The following DPYSL3 variants were observed in gnomAD, a reference collection of about 807,000 sequenced individuals.
DPYSL3 encodes dihydropyrimidinase like 3, also known as dihydropyrimidinase-related protein 3.
A neutral mutation model predicts 66.1 loss-of-function variants in DPYSL3; 16 were observed. That is an observed-to-expected ratio of 0.24 (90% confidence interval 0.16 to 0.37). DPYSL3 has a LOEUF of 0.37. Ranked by LOEUF, DPYSL3 falls within the 10% of genes least tolerant of loss-of-function variation. DPYSL3 has a pLI of 1.00. For missense variants in DPYSL3, 738 were observed against 916.2 expected (o/e 0.81, Z 2.51); for synonymous variants, 338 against 345.1 (o/e 0.98, Z 0.23).
rs534382254 is a variant in DPYSL3, at chr5:147,428,330, A to G, written c.382-3367T>C. 2.0e-5 allele frequency among the ~76,000 whole-genome samples: 3 copies of G among 152,194 alleles called. No individual in the cohort carries two copies. In the South Asian group the frequency reaches 6.2e-4, roughly 32 times the overall value. ...ACCTGAACTTAAAGAGCTCAAATAA[A>G]TGCTTCCTCTATGGGTCTTCAGCTT... On this transcript the variant is annotated intron_variant, in intron 1 of 13. Coordinates refer to ENST00000343218, the MANE Select transcript of DPYSL3 (RefSeq NM_001197294.2).
intron 1 of DPYSL3, chr5:147,453,601 G>A: frequency 6.5e-7 from 1 of 1,532,424 alleles, no homozygotes; most frequent in South Asian, 1.2e-5. Context: ...GGCGGTGGTG[G>A]CTGCAGCGGC....
intron 3 of DPYSL3, among the ~76,000 whole-genome samples, chr5:147,417,178 C>T (rs1029850046): frequency 6.6e-6 from 1 of 152,262 alleles, no homozygotes; most frequent in East Asian, 1.9e-4. Context: ...ATGCAGATGG[C>T]CAAGCATAAT....
chr5:147,476,977 A>G (rs1410172304), intron 1 of DPYSL3, among the ~76,000 whole-genome samples: 1 of 152,216 alleles, frequency 6.6e-6, no homozygotes, highest in African/African-American at 2.4e-5. Context: ...GTTCACAATT[A>G]AAAATTACCA....
intron 1 of DPYSL3, among the ~76,000 whole-genome samples, chr5:147,469,171 T>C (rs1344250688): frequency 1.3e-5 from 2 of 152,196 alleles, no homozygotes; most frequent in Admixed American, 6.5e-5. Flanking sequence ...TGTCAGTAAT[T>C]TTCCCCTTCT....
At chr5:147,508,352 C>G (rs1325109618) in intron 1 of DPYSL3, among the ~76,000 whole-genome samples, 1 of 152,184 alleles carries the variant, frequency 6.6e-6, no homozygotes. Flanking sequence ...GGAAAAACAA[C>G]TAAAACCTGA....
intron 4 of DPYSL3, 34 bp from the exon 5 acceptor site, chr5:147,413,691 A>AAG: frequency 6.4e-7 from 1 of 1,553,914 alleles, no homozygotes; most frequent in Non-Finnish European, 8.9e-7. Context: ...AAACAAGAGA[A>AAG]AGACAACATT....
In DPYSL3 at chr5:147,509,973, C is replaced by T; in HGVS notation, c.-115G>A. 1 of 1,412,764 alleles carries T rather than the reference C, an allele frequency of 7.1e-7. No individual in the cohort carries two copies. Among genetic ancestry groups the T allele is most frequent in the Non-Finnish European group, 9.3e-7 (1 of 1,080,246 alleles). 87.5% of individuals were successfully genotyped at this position (1,412,764 alleles called of 1,614,324 possible). A position where few individuals can be genotyped will look rare whatever the true frequency, so the allele number is the denominator to read the frequency against. On this transcript the variant is annotated 5_prime_UTR_variant, in exon 1 of 14. Coordinates refer to ENST00000343218, the MANE Select transcript of DPYSL3 (RefSeq NM_001197294.2). This position sits in a 1 kb window ranked among gnomAD's most constrained non-coding sequence, Gnocchi z 5.3. ...TGGCGGGAGGAGGCGCCTGAGCCTT[C>T]GCGCCAGAGGCGGCAGTGCTGCTCC...
At chr5:147,413,451 G>T in intron 5 of DPYSL3, 145 bp downstream of exon 5, 1 of 641,522 alleles carries the variant, frequency 1.6e-6, no homozygotes, top group Non-Finnish European at 2.8e-6. Flanking sequence ...AAAATGTAGC[G>T]TGGACTGCAA....
chr5:147,434,659 G>A (rs952651889), intron 1 of DPYSL3, among the ~76,000 whole-genome samples: 2 of 148,558 alleles, frequency 1.3e-5, no homozygotes, highest in Non-Finnish European at 3.0e-5. Context: ...AGCCAGGATC[G>A]CAAATAGTAA....
At chr5:147,501,745 C>T (rs1446923172) in intron 1 of DPYSL3, among the ~76,000 whole-genome samples, 1 of 152,112 alleles carries the variant, frequency 6.6e-6, no homozygotes, top group East Asian at 1.9e-4. Context: ...TCCCAAAGTG[C>T]TGGGATTACA....
At chr5:147,437,302 GC>G (rs2126361931) in intron 1 of DPYSL3, among the ~76,000 whole-genome samples, 1 of 152,260 alleles carries the variant, frequency 6.6e-6, no homozygotes, top group East Asian at 1.9e-4. Flanking sequence ...AAATCTGAAA[GC>G]CCGCCAAAAT....
At chr5:147,469,317 A>T (rs1753052252) in intron 1 of DPYSL3, among the ~76,000 whole-genome samples, 1 of 152,214 alleles carries the variant, frequency 6.6e-6, no homozygotes, top group Non-Finnish European at 1.5e-5. Context: ...CCAGGTGAGA[A>T]GATATATCAT....
intron 2 of DPYSL3, among the ~76,000 whole-genome samples, chr5:147,424,003 A>G (rs1311248150): frequency 6.6e-6 from 1 of 152,156 alleles, no homozygotes; most frequent in African/African-American, 2.4e-5. Flanking sequence ...CAGGCACTTA[A>G]TTACAGCCGC....
intron 11 of DPYSL3, among the ~76,000 whole-genome samples, chr5:147,398,657 C>T (rs1419490787): frequency 6.6e-6 from 1 of 152,140 alleles, no homozygotes; most frequent in East Asian, 1.9e-4. Flanking sequence ...CTATTCTTTC[C>T]CTTTCCAGGC....
chr5:147,438,868 G>A (rs1752467297), intron 1 of DPYSL3, among the ~76,000 whole-genome samples: 1 of 152,208 alleles, frequency 6.6e-6, no homozygotes, highest in Admixed American at 6.5e-5. Context: ...TTTCACCTAT[G>A]TGTTATCACT....
At chr5:147,478,334 T>C (rs1753189988) in intron 1 of DPYSL3, among the ~76,000 whole-genome samples, 2 of 152,200 alleles carry the variant, frequency 1.3e-5, no homozygotes, top group African/African-American at 4.8e-5. Flanking sequence ...CTGGGCACAT[T>C]GCCTCTGTCA....
chr5:147,440,791 A>G (rs1309461451), intron 1 of DPYSL3, among the ~76,000 whole-genome samples: 1 of 152,228 alleles, frequency 6.6e-6, no homozygotes, highest in African/African-American at 2.4e-5. Context: ...AAATAACTTG[A>G]TAAGTAATGT....
At chr5:147,444,640 A>T (rs1206336780) in intron 1 of DPYSL3, among the ~76,000 whole-genome samples, 1 of 152,182 alleles carries the variant, frequency 6.6e-6, no homozygotes, top group South Asian at 2.1e-4. Context: ...ACATAAACCT[A>T]TTGAAACCAT....
At chr5:147,424,398 T>C (rs1054183566) in intron 2 of DPYSL3, among the ~76,000 whole-genome samples, 1 of 152,212 alleles carries the variant, frequency 6.6e-6, no homozygotes, top group African/African-American at 2.4e-5. Context: ...ATAGTATACA[T>C]TTTAGAATGT....
Sources: gnomAD v4.1 joint callset for allele counts (sites outside exome capture counted in the v4.1 genomes callset) on GRCh38, gnomAD v4.1.1 for gene constraint, Gnocchi (gnomAD v3.1) non-coding constraint, MANE v1.5 for transcripts, NCBI Gene and HGNC (gene_info 2026-07-23, HGNC 2026-07-21) for gene names.